Variants in ASB18 observed in about 807,000 individuals in gnomAD.
ASB18 encodes the protein ankyrin repeat and SOCS box protein 18.
In ASB18, 33 loss-of-function variants were observed where a neutral mutation model predicts 33.4. The ratio of observed to expected loss-of-function variants is 0.99; its 90% CI spans 0.75 to 1.32. The LOEUF is 1.32. Among genes scored for constraint, ASB18 ranks in the 40% most tolerant of loss-of-function variants. The probability of loss-of-function intolerance (pLI) is 0.00; values close to 1 mark genes in which losing one functional copy is unlikely to be tolerated. For missense variants in ASB18, 694 were observed against 655.5 expected (o/e 1.06, Z -0.64); for synonymous variants, 295 against 307.6 (o/e 0.96, Z 0.43).
chr2:236,263,005 C>T lies in ASB18; in HGVS notation c.205+1136G>A, dbSNP rs368002869. On this transcript the variant is annotated intron_variant, in intron 1 of 5. Transcript: ENST00000409749. This position sits in a 1 kb window ranked among gnomAD's most constrained non-coding sequence, Gnocchi z 4.0. ...CCATCTGTGTTCCTCCTGCATGTTG[C>T]GCACACGTGTGCATGTGATGCATGT... 5.3e-4 allele frequency among the ~76,000 whole-genome samples: 81 copies of T among 152,254 alleles called. No homozygotes were observed. In the Middle Eastern group the frequency reaches 0.01, roughly 19 times the overall value.
intron 3 of ASB18, among the ~76,000 whole-genome samples, chr2:236,233,922 G>T (rs1288724884): frequency 6.6e-6 from 1 of 152,198 alleles, no homozygotes; most frequent in Non-Finnish European, 1.5e-5. Flanking sequence ...GAAATGCAAA[G>T]GAGCTAGAAT....
chr2:236,233,334 C>T (rs1048767304), intron 3 of ASB18, among the ~76,000 whole-genome samples: 3 of 152,096 alleles, frequency 2.0e-5, no homozygotes, highest in Admixed American at 2.0e-4. Context: ...TAATATCATA[C>T]TTAGTGGTGA....
rs2060480784 is a variant in ASB18 at position 236,214,940 on chromosome 2, G to A, written c.597-74C>T. 3.5e-6 allele frequency: 4 copies of A among 1,132,040 alleles called. No individual in the cohort carries two copies. In the South Asian group the frequency reaches 1.8e-4, roughly 50 times the overall value. The allele number at this position is 1,132,040 out of a possible 1,614,324, so 70.1% of individuals were successfully genotyped here. ...ACCCTTCCACCCCCGGCCTGCTGCTGCAAAATATCAAGTGACCTCTGAATG... is the reference window on the plus strand; with the variant it reads ...ACCCTTCCACCCCCGGCCTGCTGCTACAAAATATCAAGTGACCTCTGAATG... On this transcript the variant is annotated intron_variant, in intron 3 of 5. Transcript: ENST00000409749. This position sits in a 1 kb window ranked among gnomAD's most constrained non-coding sequence, Gnocchi z 6.5.
At chr2:236,240,230 G>A (rs1037162349) in intron 2 of ASB18, among the ~76,000 whole-genome samples, 10 of 152,200 alleles carry the variant, frequency 6.6e-5, no homozygotes, top group East Asian at 3.9e-4. Flanking sequence ...GGTCGGCTGC[G>A]ACATGCAGCC....
At position 236,244,727 on chromosome 2, in the gene ASB18, T is replaced by C. The variant is rs2060636469; in HGVS notation, c.206-3325A>G. Among the ~76,000 whole-genome samples the C allele has an allele frequency of 6.6e-6, 1 of 152,158 alleles. No homozygotes were observed. Among genetic ancestry groups the C allele is most frequent in the Admixed American group, 6.5e-5 (1 of 15,274 alleles). ...TTGGGTTGCCCCTTTCACCAAGATCTTCTATAACTAAGGAGTGCTCAGCAA... is the reference window on the plus strand; with the variant it reads ...TTGGGTTGCCCCTTTCACCAAGATCCTCTATAACTAAGGAGTGCTCAGCAA... On this transcript the variant is annotated intron_variant, in intron 1 of 5. Coordinates refer to ENST00000409749, the MANE Select transcript of ASB18 (RefSeq NM_212556.4). This position sits in a 1 kb window ranked among gnomAD's most constrained non-coding sequence, Gnocchi z 6.1.
In ASB18 at chr2:236,196,193, G is replaced by C; in HGVS notation, c.1215+79C>G. The C allele has an allele frequency of 2.6e-6, 2 of 761,820 alleles. No homozygotes were observed. Among genetic ancestry groups the C allele is most frequent in the Middle Eastern group, 2.2e-4 (1 of 4,476 alleles). 47.2% of individuals were successfully genotyped at this position (761,820 alleles called of 1,614,324 possible). A position where few individuals can be genotyped will look rare whatever the true frequency, so the allele number is the denominator to read the frequency against. On this transcript the variant is annotated intron_variant, in intron 5 of 5. Transcript: ENST00000409749. This position sits in a 1 kb window ranked among gnomAD's most constrained non-coding sequence, Gnocchi z 5.6. ...ATGTATAATACTTAGCCGAATATCA[G>C]TGCAAAACTCCCCATGCAAAGAAGC...
At chr2:236,247,923 G>A (rs533878548) in intron 1 of ASB18, 4 of 152,284 alleles carry the variant, frequency 2.6e-5, no homozygotes, top group Admixed American at 6.5e-5. Context: ...AGATTGTTTG[G>A]GAGTATTTAG....
In ASB18 at chr2:236,196,317, G is replaced by T; in HGVS notation, c.1170C>A (p.Cys390Ter). ...TCACTTCCTTCCAGGACTCTGACAAGCAGAGCTGAGGGTAGGAGTTGAAAA... is the reference window on the plus strand; with the variant it reads ...TCACTTCCTTCCAGGACTCTGACAATCAGAGCTGAGGGTAGGAGTTGAAAA... ...EVLFNSYPQL[C>*]LSESWKEVIP... Residue 390 changes from cysteine to a stop codon, truncating the protein, a stop_gained, in exon 5 of 6, where the codon TGC (cysteine) becomes TGA (stop). Coordinates refer to ENST00000409749, the MANE Select transcript of ASB18 (RefSeq NM_212556.4). LOFTEE classifies it low-confidence loss of function (END_TRUNC). This position sits in a 1 kb window ranked among gnomAD's most constrained non-coding sequence, Gnocchi z 5.6. The T allele has an allele frequency of 6.4e-7, 1 of 1,565,538 alleles. No individual in the cohort carries two copies. The highest frequency in any genetic ancestry group is 8.7e-7 in the Non-Finnish European group (1 of 1,154,236).
intron 1 of ASB18, among the ~76,000 whole-genome samples, chr2:236,261,080 G>A (rs1454453609): frequency 2.0e-5 from 3 of 152,130 alleles, no homozygotes; most frequent in Admixed American, 2.0e-4. Context: ...CTTAGCTGGT[G>A]GCCCTATCCT....
rs1365638823 is a variant in ASB18 at position 236,215,348 on chromosome 2, C to T, written c.597-482G>A. On this transcript the variant is annotated intron_variant, in intron 3 of 5. Coordinates refer to ENST00000409749, the MANE Select transcript of ASB18 (RefSeq NM_212556.4). The surrounding 1 kb of genome is among the most constrained non-coding windows in gnomAD (Gnocchi z 7.2). ...GGTGTGAGGCAAGCCTTGCCTTGCACCACGAAGGGACTTTCCCCATCCCTC... is the reference window on the plus strand; with the variant it reads ...GGTGTGAGGCAAGCCTTGCCTTGCATCACGAAGGGACTTTCCCCATCCCTC... 6.6e-6 allele frequency among the ~76,000 whole-genome samples: 1 copy of T among 152,116 alleles called. No homozygotes were observed. The highest frequency in any genetic ancestry group is 2.4e-5 in the African/African-American group (1 of 41,406).
At position 236,196,468 on chromosome 2, in the gene ASB18, T is replaced by G. The variant is rs2060374342; in HGVS notation, c.1102-83A>C. On this transcript the variant is annotated intron_variant, in intron 4 of 5. Coordinates refer to ENST00000409749, the MANE Select transcript of ASB18 (RefSeq NM_212556.4). The surrounding 1 kb of genome is among the most constrained non-coding windows in gnomAD (Gnocchi z 5.6). ...GGAAAGGGTGGGGGGTGTGGGGGGA[T>G]GCTCTCCCTAGCTGTGTGACCTCCC... The G allele has an allele frequency of 2.7e-6, 2 of 735,380 alleles. No homozygotes were observed. Among genetic ancestry groups the G allele is most frequent in the Non-Finnish European group, 4.8e-6 (2 of 413,510 alleles). The allele number at this position is 735,380 out of a possible 1,614,324, so 45.6% of individuals were successfully genotyped here. A position where few individuals can be genotyped will look rare whatever the true frequency, so the allele number is the denominator to read the frequency against.
At chr2:236,254,137 T>C (rs1574671977) in intron 1 of ASB18, 1 of 152,284 alleles carries the variant, frequency 6.6e-6, no homozygotes, top group East Asian at 1.9e-4. Context: ...CCATAAAGAA[T>C]ATGTAAATGA....
intron 3 of ASB18, among the ~76,000 whole-genome samples, chr2:236,232,195 T>C (rs1400556938): frequency 6.6e-6 from 1 of 150,744 alleles, no homozygotes; most frequent in Non-Finnish European, 1.5e-5. Context: ...TTAGAAATCA[T>C]AAGATATCTG....
rs994378217 is a variant in ASB18 at position 236,262,774 on chromosome 2, G to A, written c.205+1367C>T. On this transcript the variant is annotated intron_variant, in intron 1 of 5. Transcript: ENST00000409749. This position sits in a 1 kb window ranked among gnomAD's most constrained non-coding sequence, Gnocchi z 5.2. Reference sequence around the variant, plus strand: ...ATGGCTCCTGGGCCTATGGACCCCCGCCAGATATTAGGAAAACCAAGGTGA... The same window carrying A: ...ATGGCTCCTGGGCCTATGGACCCCCACCAGATATTAGGAAAACCAAGGTGA... Among the ~76,000 whole-genome samples, 4 of 152,184 alleles carry A rather than the reference G, an allele frequency of 2.6e-5. No homozygotes were observed. The highest frequency in any genetic ancestry group is 1.9e-4 in the East Asian group (1 of 5,158).
chr2:236,238,047 C>CCTCT lies in ASB18; in HGVS notation c.329-92_329-91insAGAG. ...CCTTAAGGCGGAAAGAAAGTGAAGC[C>CCTCT]GTCTCTTAAAGGTAGGTACCAGGTA... On this transcript the variant is annotated intron_variant, in intron 2 of 5. Transcript: ENST00000409749. This position sits in a 1 kb window ranked among gnomAD's most constrained non-coding sequence, Gnocchi z 5.2. The CCTCT allele has an allele frequency of 8.6e-7, 1 of 1,164,420 alleles. No individual in the cohort carries two copies. The highest frequency in any genetic ancestry group is 2.3e-4 in the Middle Eastern group (1 of 4,358). The allele number at this position is 1,164,420 out of a possible 1,614,324, so 72.1% of individuals were successfully genotyped here. A position where few individuals can be genotyped will look rare whatever the true frequency, so the allele number is the denominator to read the frequency against.
In ASB18 at chr2:236,241,430, G is replaced by A. The variant is rs779313047; in HGVS notation, c.206-28C>T. The A allele has an allele frequency of 3.3e-5, 54 of 1,613,580 alleles. No individual in the cohort carries two copies. The highest frequency in any genetic ancestry group is 1.5e-4 in the African/African-American group (11 of 74,912). On this transcript the variant is annotated intron_variant, in intron 1 of 5. Transcript: ENST00000409749. This position sits in a 1 kb window ranked among gnomAD's most constrained non-coding sequence, Gnocchi z 4.2. The stretch of plus-strand genomic sequence containing the variant: ...GCGACCAGGGCAGTGTGGTACTCCT[G>A]CACCGGGGACCCTGCTCTAGCTTGA...
In ASB18 at chr2:236,237,680, G is replaced by T. The variant is rs1173651794; in HGVS notation, c.596+9C>A. On this transcript the variant is annotated intron_variant, in intron 3 of 5. Coordinates refer to ENST00000409749, the MANE Select transcript of ASB18 (RefSeq NM_212556.4). This position sits in a 1 kb window ranked among gnomAD's most constrained non-coding sequence, Gnocchi z 6.2. The stretch of plus-strand genomic sequence containing the variant: ...GGCGGACGCCGCGGGCCTGTCCCGA[G>T]GTCCTTACCCGAGCGAGGCGGCCGT... 1 of 1,436,688 alleles carries T rather than the reference G, an allele frequency of 7.0e-7. No homozygotes were observed. The highest frequency in any genetic ancestry group is 9.1e-7 in the Non-Finnish European group (1 of 1,101,414). The allele number at this position is 1,436,688 out of a possible 1,614,324, so 89.0% of individuals were successfully genotyped here.
rs929168129 is a variant in ASB18, at chr2:236,223,786, A to G, written c.597-8920T>C. Among the ~76,000 whole-genome samples, 4 of 152,150 alleles carry G rather than the reference A, an allele frequency of 2.6e-5. No homozygotes were observed. The highest frequency in any genetic ancestry group is 5.9e-5 in the Non-Finnish European group (4 of 68,014). The stretch of plus-strand genomic sequence containing the variant: ...TTTCTAAAATTTTCCACTTTTTTGT[A>G]TCTGGCTTCTTTTGCTCAGCATCAT... On this transcript the variant is annotated intron_variant, in intron 3 of 5. Coordinates refer to ENST00000409749, the MANE Select transcript of ASB18 (RefSeq NM_212556.4). This position sits in a 1 kb window ranked among gnomAD's most constrained non-coding sequence, Gnocchi z 4.6.
At chr2:236,197,717 G>A (rs999787440) in intron 4 of ASB18, among the ~76,000 whole-genome samples, 6 of 152,154 alleles carry the variant, frequency 3.9e-5, no homozygotes, top group Non-Finnish European at 1.5e-5. Context: ...AGCTACACGG[G>A]AGGCTGACAC....
Sources: gnomAD v4.1 joint callset for allele counts (sites outside exome capture counted in the v4.1 genomes callset) on GRCh38, gnomAD v4.1.1 for gene constraint, Gnocchi (gnomAD v3.1) non-coding constraint, MANE v1.5 for transcripts, NCBI Gene and HGNC (gene_info 2026-07-23, HGNC 2026-07-21) for gene names.